The following LIPC variants were observed in gnomAD, a reference collection of about 807,000 sequenced individuals.
LIPC encodes the protein hepatic triacylglycerol lipase.
LIPC carries 44 observed loss-of-function variants against 50.7 expected under a neutral mutation model. The ratio of observed to expected loss-of-function variants is 0.87; its 90% CI spans 0.68 to 1.11. The LOEUF is 1.11. Among genes scored for constraint, LIPC ranks in the 50% most tolerant of loss-of-function variants. The pLI is 0.00. For missense variants in LIPC, 697 were observed against 648.2 expected (o/e 1.08, Z -0.82); for synonymous variants, 271 against 256.4 (o/e 1.06, Z -0.54).
intron 1 of LIPC, chr15:58,436,852 G>A (rs1893315156): frequency 2.2e-6 from 1 of 456,080 alleles, no homozygotes. Context: ...CAATAGCAGA[G>A]GTACACAGCT....
intron 8 of LIPC, chr15:58,565,698 C>T (rs1450054273): frequency 3.0e-6 from 3 of 1,000,460 alleles, no homozygotes; most frequent in Admixed American, 1.1e-4. Context: ...TCCAACAGTT[C>T]CTTCTTCCAT....
At chr15:58,538,259 A>G (rs1433885951) in intron 1 of LIPC, 74 bp from the exon 2 acceptor site, 30 of 1,423,110 alleles carry the variant, frequency 2.1e-5, no homozygotes, top group Non-Finnish European at 2.9e-5. Flanking sequence ...TTGTAGAAGC[A>G]GCCTTTGAGA....
rs1004353483 is a variant in LIPC at position 58,451,392 on chromosome 15, C to A, written c.88+19272C>A. Among the ~76,000 whole-genome samples, 9 of 152,308 alleles carry A rather than the reference C, an allele frequency of 5.9e-5. 1 individual carries two copies. Among genetic ancestry groups the A allele is most frequent in the Non-Finnish European group, 1.2e-4 (8 of 68,020 alleles). On this transcript the variant is annotated intron_variant, in intron 1 of 8. Coordinates refer to ENST00000299022, the MANE Select transcript of LIPC (RefSeq NM_000236.3). ...TTATAAGCTTCAGGGACAGCTGGATCTATGACCTTAATAAAGTCACCATGT... is the reference window on the plus strand; with the variant it reads ...TTATAAGCTTCAGGGACAGCTGGATATATGACCTTAATAAAGTCACCATGT...
intron 1 of LIPC, among the ~76,000 whole-genome samples, chr15:58,475,982 T>C (rs892221284): frequency 1.9e-4 from 29 of 152,248 alleles, no homozygotes; most frequent in African/African-American, 6.8e-4. Flanking sequence ...GAACACACGT[T>C]AGCAAGAAAA....
intron 1 of LIPC, among the ~76,000 whole-genome samples, chr15:58,486,067 A>G (rs372294638): frequency 1.3e-5 from 2 of 152,192 alleles, no homozygotes; most frequent in African/African-American, 4.8e-5. Context: ...CATAACTAAG[A>G]AAAAGCTGTG....
chr15:58,548,288 T>C, intron 5 of LIPC, 42 bp from the exon 6 acceptor site: 1 of 1,613,502 alleles, frequency 6.2e-7, no homozygotes, highest in Middle Eastern at 1.7e-4. Context: ...GAGGCTGCTT[T>C]GGGTTAAGGG....
At chr15:58,530,979 T>A (rs1188429507) in intron 1 of LIPC, among the ~76,000 whole-genome samples, 1 of 152,242 alleles carries the variant, frequency 6.6e-6, no homozygotes, top group Non-Finnish European at 1.5e-5. Context: ...CATTTGAATA[T>A]TTATGTGGAC....
chr15:58,562,781 G>T (rs1894208051), intron 7 of LIPC, among the ~76,000 whole-genome samples: 3 of 151,154 alleles, frequency 2.0e-5, no homozygotes, highest in African/African-American at 7.4e-5. Context: ...TACTCGGGAA[G>T]AGCTATGCCA....
chr15:58,462,703 G>A (rs764638489), intron 1 of LIPC, among the ~76,000 whole-genome samples: 18 of 152,152 alleles, frequency 1.2e-4, no homozygotes, highest in Non-Finnish European at 2.5e-4. Flanking sequence ...CACAGCCCTT[G>A]ACTTCCTCCT....
chr15:58,447,325 C>T (rs532529323), intron 1 of LIPC, among the ~76,000 whole-genome samples: 24 of 152,234 alleles, frequency 1.6e-4, no homozygotes, highest in Non-Finnish European at 3.1e-4. Context: ...CTTGGACTCT[C>T]GACTAGTCTG....
At chr15:58,452,649 G>A (rs1020405844) in intron 1 of LIPC, among the ~76,000 whole-genome samples, 2 of 151,652 alleles carry the variant, frequency 1.3e-5, no homozygotes, top group Admixed American at 6.6e-5. Context: ...CAAAGAAGAT[G>A]GAATCTGCAG....
At chr15:58,478,503 G>A (rs768068094) in intron 1 of LIPC, among the ~76,000 whole-genome samples, 1 of 152,172 alleles carries the variant, frequency 6.6e-6, no homozygotes, top group African/African-American at 2.4e-5. Flanking sequence ...CCTCCCGAAA[G>A]TGCTAGGATT....
At chr15:58,564,708 C>CAG (rs1894297664) in intron 8 of LIPC, among the ~76,000 whole-genome samples, 1 of 151,956 alleles carries the variant, frequency 6.6e-6, no homozygotes. Flanking sequence ...GCCTGGATGA[C>CAG]AGAGAGAGAG....
chr15:58,538,159 G>A (rs1242943138), intron 1 of LIPC, among the ~76,000 whole-genome samples, 174 bp from the exon 2 acceptor site: 3 of 152,144 alleles, frequency 2.0e-5, no homozygotes, highest in African/African-American at 7.2e-5. Context: ...CCATCACTTG[G>A]CCATTCCACT....
At chr15:58,546,004 C>A in intron 5 of LIPC, 29 bp downstream of exon 5, 1 of 1,550,362 alleles carries the variant, frequency 6.5e-7, no homozygotes, top group Non-Finnish European at 8.9e-7. Context: ...GCCGGGAGCA[C>A]CGGCCTACAT....
rs1303402689 is a variant in LIPC, at chr15:58,567,321, GTGTATATATATATATATGTATA to G, written c.1389-1379_1389-1358del. On this transcript the variant is annotated intron_variant, in intron 8 of 8. Coordinates refer to ENST00000299022, the MANE Select transcript of LIPC (RefSeq NM_000236.3). ...TATATATATACATATATATGTATAT[GTGTATATATATATATATGTATA>G]TGTATATATATATATGTATATGTAT... is the stretch of plus-strand genomic sequence containing the variant. Among the ~76,000 whole-genome samples, 10 of 27,960 alleles carry G rather than the reference GTGTATATATATATATATGTATA, an allele frequency of 3.6e-4. 1 individual carries two copies. The highest frequency in any genetic ancestry group is 1.5e-3 in the African/African-American group (10 of 6,720). 18.3% of individuals were successfully genotyped at this position (27,960 alleles called of 152,430 possible). A position where few individuals can be genotyped will look rare whatever the true frequency, so the allele number is the denominator to read the frequency against.
rs578008381 is a variant in LIPC at position 58,518,785 on chromosome 15, A to C, written c.89-19548A>C. Among the ~76,000 whole-genome samples the C allele has an allele frequency of 5.3e-5, 8 of 152,280 alleles. No individual in the cohort carries two copies. In the South Asian group the frequency reaches 1.7e-3, roughly 32 times the overall value. On this transcript the variant is annotated intron_variant, in intron 1 of 8. Coordinates refer to ENST00000299022, the MANE Select transcript of LIPC (RefSeq NM_000236.3). Reference sequence around the variant, plus strand: ...GGCAAAACTAATCTCCGGTGATGGAAGTCTGAACAGTTACATCTGCTGGTG... The same window carrying C: ...GGCAAAACTAATCTCCGGTGATGGACGTCTGAACAGTTACATCTGCTGGTG...
In LIPC at chr15:58,545,994, G is replaced by A. The variant is rs1174073162; in HGVS notation, c.808+19G>A. ...TTCAATGGTGAGAATGAAGTCATGG[G>A]CCGGGAGCACCGGCCTACATTTCAA... On this transcript the variant is annotated intron_variant, in intron 5 of 8. Transcript: ENST00000299022. 17 of 1,580,982 alleles carry A rather than the reference G, an allele frequency of 1.1e-5. No homozygotes were observed. The highest frequency in any genetic ancestry group is 5.0e-5 in the Admixed American group (3 of 59,956).
At position 58,483,958 on chromosome 15, in the gene LIPC, A is replaced by G. The variant is rs898553322; in HGVS notation, c.88+51838A>G. Among the ~76,000 whole-genome samples the G allele has an allele frequency of 4.6e-5, 7 of 152,140 alleles. No individual in the cohort carries two copies. The East Asian group carries it at 1.3e-3, about 29-fold the overall frequency. The stretch of plus-strand genomic sequence containing the variant: ...TCTTGAGGTTTATTGTTTGCTTTTA[A>G]ATTTATGTCCAACATGGGCTCTCTT... On this transcript the variant is annotated intron_variant, in intron 1 of 8. Transcript: ENST00000299022.
Sources: gnomAD v4.1 joint callset for allele counts (sites outside exome capture counted in the v4.1 genomes callset) on GRCh38, gnomAD v4.1.1 for gene constraint, MANE v1.5 for transcripts, NCBI Gene and HGNC (gene_info 2026-07-23, HGNC 2026-07-21) for gene names.